Variants in AGMO observed in about 807,000 individuals in gnomAD.
AGMO encodes alkylglycerol monooxygenase, also known as glyceryl-ether monooxygenase.
A neutral mutation model predicts 60.2 loss-of-function variants in AGMO; 75 were observed. That is an observed-to-expected ratio of 1.25 (90% CI 1.03 to 1.51). The LOEUF is 1.51. Ranked by LOEUF, AGMO falls within the 40% of genes most tolerant of loss-of-function variation. The probability of loss-of-function intolerance (pLI) is 0.00; values close to 1 mark genes in which losing one functional copy is unlikely to be tolerated. For synonymous variants in AGMO, 261 were observed against 177.1 expected (o/e 1.47, Z -3.76); for missense variants, 763 against 525.5 (o/e 1.45, Z -4.42).
In AGMO at chr7:15,414,578, G is replaced by A. The variant is rs535962757; in HGVS notation, c.609+3980C>T. On this transcript the variant is annotated intron_variant, in intron 5 of 12. Coordinates refer to ENST00000342526, the MANE Select transcript of AGMO (RefSeq NM_001004320.2). The stretch of plus-strand genomic sequence containing the variant: ...CCTACATTTTACTTTAGCCACTTCT[G>A]TCTTATACCATCTAGCTCCTTGCCA... Among the ~76,000 whole-genome samples, 16 of 151,674 alleles carry A rather than the reference G, an allele frequency of 1.1e-4. No homozygotes were observed. In the South Asian group the frequency reaches 3.1e-3, roughly 30 times the overall value.
At chr7:15,557,752 A>T (rs1316865106) in intron 2 of AGMO, among the ~76,000 whole-genome samples, 2 of 152,080 alleles carry the variant, frequency 1.3e-5, no homozygotes, top group African/African-American at 4.8e-5. Flanking sequence ...TTAAAAATCC[A>T]CATTTCATAA....
At chr7:15,331,071 T>C (rs1781486370) in intron 12 of AGMO, among the ~76,000 whole-genome samples, 1 of 152,096 alleles carries the variant, frequency 6.6e-6, no homozygotes, top group South Asian at 2.1e-4. Flanking sequence ...TGAGAACCTT[T>C]GGGCAATCAA....
intron 12 of AGMO, among the ~76,000 whole-genome samples, chr7:15,219,898 C>A (rs1426969574): frequency 2.0e-5 from 3 of 152,162 alleles, no homozygotes; most frequent in Admixed American, 2.0e-4. Flanking sequence ...TAACATCTTT[C>A]CAGACAAGCC....
At chr7:15,319,075 T>C (rs1359582454) in intron 12 of AGMO, among the ~76,000 whole-genome samples, 3 of 152,204 alleles carry the variant, frequency 2.0e-5, no homozygotes, top group African/African-American at 7.2e-5. Flanking sequence ...GTTTCTCTAC[T>C]GGCCTCATTT....
chr7:15,378,896 T>A (rs1345482588), intron 10 of AGMO, among the ~76,000 whole-genome samples: 2 of 151,948 alleles, frequency 1.3e-5, no homozygotes, highest in Non-Finnish European at 2.9e-5. Flanking sequence ...GCAAAAGAAC[T>A]GAAATCATAA....
intron 3 of AGMO, among the ~76,000 whole-genome samples, chr7:15,479,638 A>C (rs567228450): frequency 6.6e-6 from 1 of 152,276 alleles, no homozygotes; most frequent in Non-Finnish European, 1.5e-5. Context: ...TGCGAATGCA[A>C]TTTAGTAAAA....
intron 12 of AGMO, among the ~76,000 whole-genome samples, chr7:15,323,726 T>C (rs1246106245): frequency 2.0e-5 from 3 of 152,212 alleles, no homozygotes; most frequent in Non-Finnish European, 4.4e-5. Flanking sequence ...CTCCTGACTC[T>C]GGGCTTCAGA....
intron 12 of AGMO, among the ~76,000 whole-genome samples, chr7:15,229,710 A>AT (rs1782198004): frequency 7.9e-6 from 1 of 126,120 alleles, no homozygotes; most frequent in South Asian, 2.4e-4. Flanking sequence ...ATTTATATAT[A>AT]TATTATATTA....
At chr7:15,373,147 A>T (rs994229514) in intron 10 of AGMO, among the ~76,000 whole-genome samples, 1 of 152,024 alleles carries the variant, frequency 6.6e-6, no homozygotes, top group African/African-American at 2.4e-5. Flanking sequence ...TGGTGGCGGT[A>T]CTTGCCTTTA....
At chr7:15,197,056 GT>G (rs924615598), downstream of AGMO, among the ~76,000 whole-genome samples, 193 of 148,442 alleles carry the variant, frequency 1.3e-3, no homozygotes, top group Middle Eastern at 3.6e-3. Flanking sequence ...TTTTGTTGTT[GT>G]TTTTTTTTTC....
chr7:15,550,495 A>G (rs1784920409), intron 2 of AGMO, among the ~76,000 whole-genome samples: 4 of 152,212 alleles, frequency 2.6e-5, no homozygotes, highest in Admixed American at 2.6e-4. Flanking sequence ...ATCACCACCC[A>G]TCCCACAGAA....
At chr7:15,282,132 C>T (rs1783984524) in intron 12 of AGMO, among the ~76,000 whole-genome samples, 1 of 151,932 alleles carries the variant, frequency 6.6e-6, no homozygotes, top group Admixed American at 6.6e-5. Context: ...AAATAAGAAG[C>T]AACCAGAAAA....
chr7:15,449,012 G>A (rs1781785344), intron 3 of AGMO, among the ~76,000 whole-genome samples: 1 of 152,096 alleles, frequency 6.6e-6, no homozygotes, highest in Non-Finnish European at 1.5e-5. Context: ...TGGCACCAGA[G>A]CTGGCATTCT....
Position 15,282,495 on chromosome 7 carries a change from G to A in AGMO, c.1264-81136C>T, listed in dbSNP as rs563040101. Among the ~76,000 whole-genome samples, 3 of 152,170 alleles carry A rather than the reference G, an allele frequency of 2.0e-5. No homozygotes were observed. The East Asian group carries it at 5.8e-4, about 29-fold the overall frequency. ...GAAAGAATTTCAGGGCTTGAAACAA[G>A]TCTTTCAAGTCAACTCAATCAGAAA... On this transcript the variant is annotated intron_variant, in intron 12 of 12. Coordinates refer to ENST00000342526, the MANE Select transcript of AGMO (RefSeq NM_001004320.2).
chr7:15,230,572 G>T (rs372148696), intron 12 of AGMO, among the ~76,000 whole-genome samples: 5 of 152,056 alleles, frequency 3.3e-5, no homozygotes, highest in African/African-American at 7.2e-5. Flanking sequence ...CCCTCTGTTG[G>T]GTCATGCTCT....
chr7:15,211,327 A>G (rs1781581690), intron 12 of AGMO, among the ~76,000 whole-genome samples: 1 of 152,046 alleles, frequency 6.6e-6, no homozygotes, highest in South Asian at 2.1e-4. Context: ...CAGATGTGAC[A>G]TAAATTGTAA....
intron 3 of AGMO, among the ~76,000 whole-genome samples, chr7:15,488,309 T>C (rs1782974319): frequency 1.3e-5 from 2 of 152,218 alleles, no homozygotes; most frequent in Non-Finnish European, 2.9e-5. Flanking sequence ...TTGTTTCTAC[T>C]CATTAATCAT....
chr7:15,553,330 T>A (rs575476933), intron 2 of AGMO, among the ~76,000 whole-genome samples: 29 of 149,838 alleles, frequency 1.9e-4, no homozygotes, highest in African/African-American at 3.9e-4. Flanking sequence ...ATAAAAAAAA[T>A]AAATAAATAA....
chr7:15,364,828 T>C lies in AGMO; in HGVS notation c.1263+686A>G, dbSNP rs191458871. ...TTTAATGCTTAAATAAAGTTATACA[T>C]TGCACATTCTGGTGATGTTGGCAGG... is the stretch of plus-strand genomic sequence containing the variant. On this transcript the variant is annotated intron_variant, in intron 12 of 12. Transcript: ENST00000342526. Among the ~76,000 whole-genome samples the C allele has an allele frequency of 1.1e-3, 170 of 152,178 alleles. 1 individual carries two copies. Among genetic ancestry groups the C allele is most frequent in the Middle Eastern group, 6.8e-3 (2 of 294 alleles).
Sources: gnomAD v4.1 joint callset for allele counts (sites outside exome capture counted in the v4.1 genomes callset) on GRCh38, gnomAD v4.1.1 for gene constraint, MANE v1.5 for transcripts, NCBI Gene and HGNC (gene_info 2026-07-23, HGNC 2026-07-21) for gene names.